Variants in NLRP8 observed in about 807,000 individuals in gnomAD.
NLRP8 encodes the protein NLR family pyrin domain containing 8, also known as NACHT, LRR and PYD domains-containing protein 8.
A neutral mutation model predicts 88.7 loss-of-function variants in NLRP8; 86 were observed. That is an observed-to-expected ratio of 0.97 (90% CI 0.81 to 1.16). NLRP8 has a LOEUF of 1.16. NLRP8 is among the 50% of genes most tolerant of loss of function. The probability of loss-of-function intolerance (pLI) is 0.00; values close to 1 mark genes in which losing one functional copy is unlikely to be tolerated. For synonymous variants in NLRP8, 504 were observed against 494.6 expected (o/e 1.02, Z -0.25); for missense variants, 1,342 against 1,286.5 (o/e 1.04, Z -0.66).
intron 5 of NLRP8, among the ~76,000 whole-genome samples, chr19:55,968,982 C>G (rs1043288704): frequency 6.6e-6 from 1 of 152,116 alleles, no homozygotes; most frequent in African/African-American, 2.4e-5. Context: ...AGCTGAAAAT[C>G]AGCCATGGCA....
chr19:55,985,244 A>G (rs306465), intron 9 of NLRP8, among the ~76,000 whole-genome samples: 52,800 of 151,868 alleles, frequency 0.35, 9,624 homozygotes, highest in South Asian at 0.44. Context: ...CGGAGGTTGC[A>G]GTGAGCTGAG....
chr19:55,966,138 C>G, intron 4 of NLRP8, 75 bp from the exon 5 acceptor site: 2 of 1,436,050 alleles, frequency 1.4e-6, no homozygotes, highest in South Asian at 2.5e-5. Flanking sequence ...CTTCCGGGAG[C>G]CTCGTTTGTG....
chr19:55,974,101 A>T (rs577503235), intron 7 of NLRP8, among the ~76,000 whole-genome samples: 9 of 151,904 alleles, frequency 5.9e-5, no homozygotes, highest in Admixed American at 5.9e-4. Context: ...GAATATTGAG[A>T]TCTATCTGTT....
At chr19:55,987,111 A>G (rs1320404914) in intron 9 of NLRP8, among the ~76,000 whole-genome samples, 4 of 152,174 alleles carry the variant, frequency 2.6e-5, no homozygotes, top group Non-Finnish European at 4.4e-5. Flanking sequence ...GCTCACGCCT[A>G]TAATCCCAGC....
At chr19:55,953,961 G>A (rs551131437) in intron 2 of NLRP8, among the ~76,000 whole-genome samples, 15 of 150,332 alleles carry the variant, frequency 1.0e-4, no homozygotes, top group Middle Eastern at 3.5e-3. Flanking sequence ...GCACCACCAC[G>A]CCTGGCTAAT....
At position 55,988,423 on chromosome 19, in the gene NLRP8, TAA is replaced by T. The variant is rs1313868462; in HGVS notation, c.*512_*513del. On this transcript the variant is annotated 3_prime_UTR_variant, in exon 10 of 10. Coordinates refer to ENST00000291971, the MANE Select transcript of NLRP8 (RefSeq NM_176811.2). Reference sequence around the variant, plus strand: ...AAGAAAAAAAAAATACATATACACATAAATATATATATGTGTGTGTGTATATA... The same window carrying T: ...AAGAAAAAAAAAATACATATACACATATATATATATGTGTGTGTGTATATA... 1 of 114,664 alleles carries T rather than the reference TAA, an allele frequency of 8.7e-6. No individual in the cohort carries two copies. The highest frequency in any genetic ancestry group is 2.8e-4 in the East Asian group (1 of 3,578). The allele number at this position is 114,664 out of a possible 1,614,324, so 7.1% of individuals were successfully genotyped here. A position where few individuals can be genotyped will look rare whatever the true frequency, so the allele number is the denominator to read the frequency against.
At chr19:55,968,023 C>T (rs368063395) in intron 5 of NLRP8, among the ~76,000 whole-genome samples, 2 of 152,170 alleles carry the variant, frequency 1.3e-5, no homozygotes, top group African/African-American at 2.4e-5. Flanking sequence ...TGCCGGAGTT[C>T]GTAGGTAAAC....
At chr19:55,952,657 T>G (rs961002964) in intron 2 of NLRP8, 45 bp downstream of exon 2, 7 of 1,492,626 alleles carry the variant, frequency 4.7e-6, no homozygotes, top group Non-Finnish European at 6.5e-6. Context: ...AAATGGGCTA[T>G]GGACTGGGAT....
intron 1 of NLRP8, 22 bp downstream of exon 1, chr19:55,948,291 A>G: frequency 6.3e-7 from 1 of 1,586,834 alleles, no homozygotes; most frequent in Non-Finnish European, 8.6e-7. Context: ...TCTGGTGGAT[A>G]AAGTGGGGGT....
At position 55,988,440 on chromosome 19, in the gene NLRP8, G is replaced by GTATATATATA. The variant is rs1445801696; in HGVS notation, c.*528_*529insATATATATAT. 210 of 100,500 alleles carry GTATATATATA rather than the reference G, an allele frequency of 2.1e-3. No individual in the cohort carries two copies. Among genetic ancestry groups the GTATATATATA allele is most frequent in the African/African-American group, 4.6e-3 (113 of 24,394 alleles). 6.2% of individuals were successfully genotyped at this position (100,500 alleles called of 1,614,324 possible). On this transcript the variant is annotated 3_prime_UTR_variant, in exon 10 of 10. Transcript: ENST00000291971. ...TATACACATAAATATATATATGTGTGTGTGTATATATATATATATATATAT... is the reference window on the plus strand; with the variant it reads ...TATACACATAAATATATATATGTGTGTATATATATATGTGTATATATATATATATATATAT...
At chr19:55,963,473 C>A (rs1439113692) in intron 4 of NLRP8, among the ~76,000 whole-genome samples, 1 of 152,174 alleles carries the variant, frequency 6.6e-6, no homozygotes, top group African/African-American at 2.4e-5. Context: ...CAGGTGCCTG[C>A]GTGGGGTAAG....
At chr19:55,971,234 G>A (rs981180936) in intron 6 of NLRP8, among the ~76,000 whole-genome samples, 2 of 152,120 alleles carry the variant, frequency 1.3e-5, no homozygotes, top group Non-Finnish European at 2.9e-5. Flanking sequence ...GAGGTCAGGA[G>A]TCTGAGACCA....
Position 55,958,167 on chromosome 19 carries a change from G to A in NLRP8, c.2042+2067G>A, listed in dbSNP as rs779603282. ...TAGACTGACCCCTGGCGAGAGAGGGGACATTGTCCTTCTGCTGCATAATGG... is the reference window on the plus strand; with the variant it reads ...TAGACTGACCCCTGGCGAGAGAGGGAACATTGTCCTTCTGCTGCATAATGG... On this transcript the variant is annotated intron_variant, in intron 3 of 9. Coordinates refer to ENST00000291971, the MANE Select transcript of NLRP8 (RefSeq NM_176811.2). 3.3e-5 allele frequency among the ~76,000 whole-genome samples: 5 copies of A among 152,146 alleles called. No homozygotes were observed. In the South Asian group the frequency reaches 1.0e-3, roughly 32 times the overall value.
At chr19:55,972,813 G>GTA (rs920455444) in intron 6 of NLRP8, among the ~76,000 whole-genome samples, 128 of 105,178 alleles carry the variant, frequency 1.2e-3, no homozygotes, top group Middle Eastern at 5.6e-3. Context: ...GTGTGTATGT[G>GTA]TGTGTGTGTG....
chr19:55,977,566 A>G (rs1980406405), intron 8 of NLRP8, among the ~76,000 whole-genome samples: 1 of 146,680 alleles, frequency 6.8e-6, no homozygotes, highest in Non-Finnish European at 1.5e-5. Flanking sequence ...ATATATTTAT[A>G]TATGAAAATA....
intron 2 of NLRP8, among the ~76,000 whole-genome samples, chr19:55,953,503 TTTA>T (rs904310251): frequency 1.1e-5 from 1 of 91,936 alleles, no homozygotes; most frequent in Non-Finnish European, 2.3e-5. Flanking sequence ...TCTTTCTTTC[TTTA>T]TTTTTTTTGA....
At chr19:55,957,263 C>T (rs967401029) in intron 3 of NLRP8, among the ~76,000 whole-genome samples, 1 of 152,164 alleles carries the variant, frequency 6.6e-6, no homozygotes, top group Admixed American at 6.5e-5. Context: ...AGTGAATGAA[C>T]GTTTACATTT....
intron 9 of NLRP8, among the ~76,000 whole-genome samples, chr19:55,984,090 CAACAAGAGGAATAAT>C (rs74179651): frequency 0.8 from 120,885 of 151,572 alleles, 48,546 homozygotes; most frequent in East Asian, 0.91. Flanking sequence ...TGTAACAGGG[CAACAAGAGGAATAAT>C]AAACACAACA....
Position 55,954,680 on chromosome 19 carries a change from A to G in NLRP8, c.622A>G (p.Ile208Val), listed in dbSNP as rs754675763. The change falls in exon 3 of 10, where the codon ATA becomes GTA. Residue 208 changes from isoleucine to valine, a missense_variant. Ile to Val is a conservative substitution (Grantham distance 29). Coordinates refer to ENST00000291971, the MANE Select transcript of NLRP8 (RefSeq NM_176811.2). Reference sequence around the variant, plus strand: ...GGGTAGACAGCCCAAGACCGTGGCCATACAGGGAGCTCCTGGGATCGGAAA... The same window carrying G: ...GGGTAGACAGCCCAAGACCGTGGCCGTACAGGGAGCTCCTGGGATCGGAAA... 21 of 1,614,188 alleles carry G rather than the reference A, an allele frequency of 1.3e-5. No individual in the cohort carries two copies. Among genetic ancestry groups the G allele is most frequent in the South Asian group, 4.4e-5 (4 of 91,088 alleles).
Sources: gnomAD v4.1 joint callset for allele counts (sites outside exome capture counted in the v4.1 genomes callset) on GRCh38, gnomAD v4.1.1 for gene constraint, MANE v1.5 for transcripts, NCBI Gene and HGNC (gene_info 2026-07-23, HGNC 2026-07-21) for gene names.